Variants in RBKS observed in about 807,000 individuals in gnomAD.
RBKS encodes ribokinase.
A neutral mutation model predicts 33.9 loss-of-function variants in RBKS; 33 were observed. The observed-to-expected ratio is 0.97, with a 90% CI of 0.74 to 1.30. The LOEUF (loss-of-function observed/expected upper bound fraction) is 1.30. Among genes scored for constraint, RBKS ranks in the 50% most tolerant of loss-of-function variants. The probability of loss-of-function intolerance (pLI) is 0.00; values close to 1 mark genes in which losing one functional copy is unlikely to be tolerated. For synonymous variants in RBKS, 125 were observed against 143.0 expected, an observed-to-expected ratio of 0.87 and a Z score of 0.90; for missense variants, 361 against 392.6, an observed-to-expected ratio of 0.92 and a Z score of 0.68.
At chr2:27,861,663 T>TGGGGGGG (rs56729802) in intron 1 of RBKS, 10 of 313,230 alleles carry the variant, frequency 3.2e-5, no homozygotes, top group East Asian at 1.7e-4. Flanking sequence ...CATTTCTTTT[T>TGGGGGGG]GGGGGGGGGG....
At chr2:27,836,302 C>A (rs1162238189) in intron 5 of RBKS, among the ~76,000 whole-genome samples, 1 of 152,098 alleles carries the variant, frequency 6.6e-6, no homozygotes, top group East Asian at 1.9e-4. Context: ...TTTGCTTCAA[C>A]ATAATTCAAG....
chr2:27,843,169 C>T lies in RBKS; in HGVS notation c.412G>A (p.Ala138Thr). The change falls in exon 5 of 8, where the codon GCA becomes ACA. Residue 138 changes from alanine (A) to threonine (T), a missense_variant. Physicochemically the swap from Ala to Thr is moderately conservative, Grantham distance 58. Transcript: ENST00000302188. ...NLLLNTEDLR[A>T]AANVISRAKV... ...GCTCTGCTAATGACATTGGCTGCTGCCCTCAGATCCTCCGTATTCAAAAGT... is the reference window on the plus strand; with the variant it reads ...GCTCTGCTAATGACATTGGCTGCTGTCCTCAGATCCTCCGTATTCAAAAGT... 6.2e-7 allele frequency: 1 copy of T among 1,612,800 alleles called. No individual in the cohort carries two copies. Among genetic ancestry groups the T allele is most frequent in the African/African-American group, 1.3e-5 (1 of 74,986 alleles).
chr2:27,834,624 G>A (rs1678480442), intron 5 of RBKS, among the ~76,000 whole-genome samples: 1 of 152,106 alleles, frequency 6.6e-6, no homozygotes, highest in Non-Finnish European at 1.5e-5. Flanking sequence ...GGCTCTCATT[G>A]TCCAGTATTC....
chr2:27,795,986 C>T lies in RBKS; in HGVS notation c.796-14198G>A, dbSNP rs901643848. Among the ~76,000 whole-genome samples, 1 of 152,138 alleles carries T rather than the reference C, an allele frequency of 6.6e-6. No homozygotes were observed. The highest frequency in any genetic ancestry group is 1.5e-5 in the Non-Finnish European group (1 of 68,026). On this transcript the variant is annotated intron_variant, in intron 7 of 7. Transcript: ENST00000302188. This position sits in a 1 kb window ranked among gnomAD's most constrained non-coding sequence, Gnocchi z 4.1. ...CTTTGAGTTGACCTGACTTATTGGT[C>T]CTGGTTCTATCATGTTCTTCTCTTC...
chr2:27,806,351 A>C (rs1047058590), intron 7 of RBKS, among the ~76,000 whole-genome samples: 1 of 152,192 alleles, frequency 6.6e-6, no homozygotes, highest in African/African-American at 2.4e-5. Context: ...GGAAATGATA[A>C]ATATAAGCCT....
Position 27,837,010 on chromosome 2 carries a change from C to T in RBKS, c.515-4233G>A, listed in dbSNP as rs1221069152. 6.6e-6 allele frequency among the ~76,000 whole-genome samples: 1 copy of T among 151,072 alleles called. No individual in the cohort carries two copies. The highest frequency in any genetic ancestry group is 2.5e-5 in the African/African-American group (1 of 40,402). On this transcript the variant is annotated intron_variant, in intron 5 of 7. Transcript: ENST00000302188. This position sits in a 1 kb window ranked among gnomAD's most constrained non-coding sequence, Gnocchi z 4.0. ...GTCAAGGGCCAGCCGAGGTGGCTCA[C>T]ACCTGTAATCCCAGCACTTTGGGCG...
chr2:27,800,049 CTTTTTTT>C (rs35932747), intron 7 of RBKS, among the ~76,000 whole-genome samples: 2 of 112,368 alleles, frequency 1.8e-5, no homozygotes, highest in Non-Finnish European at 3.6e-5. Flanking sequence ...TGTTAGGTGT[CTTTTTTT>C]TTTTTTTTTT....
chr2:27,801,984 ATATATATATTTTTTTTT>A (rs1558536512), intron 7 of RBKS, among the ~76,000 whole-genome samples: 33 of 95,042 alleles, frequency 3.5e-4, no homozygotes, highest in African/African-American at 1.4e-3. Flanking sequence ...ATATATATAT[ATATATATATTTTTTTTT>A]TTTTTTTTTT....
intron 7 of RBKS, among the ~76,000 whole-genome samples, chr2:27,825,607 T>C (rs957663296): frequency 6.6e-6 from 1 of 152,152 alleles, no homozygotes; most frequent in African/African-American, 2.4e-5. Flanking sequence ...GACAGGGACA[T>C]GACATGAGAC....
chr2:27,869,638 T>C (rs1338053201), intron 1 of RBKS: 2 of 153,032 alleles, frequency 1.3e-5, no homozygotes, highest in Non-Finnish European at 2.9e-5. Context: ...TGCACTTTAT[T>C]TCTATTATTA....
intron 2 of RBKS, among the ~76,000 whole-genome samples, chr2:27,852,456 C>T (rs989706596): frequency 7.2e-5 from 11 of 152,144 alleles, no homozygotes; most frequent in Admixed American, 4.6e-4. Flanking sequence ...TCACTCTTAT[C>T]ACTGGGAGGG....
At chr2:27,838,258 A>C (rs533913928) in intron 5 of RBKS, among the ~76,000 whole-genome samples, 165 of 152,262 alleles carry the variant, frequency 1.1e-3, no homozygotes, top group African/African-American at 3.8e-3. Flanking sequence ...GTCTAAAATA[A>C]AAGATGGAAT....
At chr2:27,851,805 C>G (rs1663751489) in intron 2 of RBKS, among the ~76,000 whole-genome samples, 1 of 152,170 alleles carries the variant, frequency 6.6e-6, no homozygotes, top group African/African-American at 2.4e-5. Flanking sequence ...TCCCAAAGTG[C>G]TGGGATTACA....
chr2:27,855,405 G>A (rs1428367226), intron 2 of RBKS, among the ~76,000 whole-genome samples: 8 of 152,160 alleles, frequency 5.3e-5, no homozygotes, highest in Admixed American at 1.3e-4. Flanking sequence ...TGCTCATACT[G>A]GGCCAGTGCA....
intron 7 of RBKS, among the ~76,000 whole-genome samples, chr2:27,802,113 T>C (rs967774028): frequency 2.7e-5 from 4 of 148,014 alleles, no homozygotes; most frequent in Non-Finnish European, 3.0e-5. Context: ...GTTGGGATTA[T>C]AGGTGTGAGC....
At chr2:27,800,049 CTTTTT>C (rs35932747) in intron 7 of RBKS, among the ~76,000 whole-genome samples, 1 of 112,368 alleles carries the variant, frequency 8.9e-6, no homozygotes. Context: ...TGTTAGGTGT[CTTTTT>C]TTTTTTTTTT....
chr2:27,832,623 T>G, intron 6 of RBKS, 63 bp downstream of exon 6: 3 of 1,031,056 alleles, frequency 2.9e-6, no homozygotes, highest in Non-Finnish European at 4.6e-6. Flanking sequence ...TCTGCCCCTT[T>G]GCTTTATCCA....
intron 7 of RBKS, among the ~76,000 whole-genome samples, chr2:27,819,745 A>C (rs987829917): frequency 3.9e-5 from 6 of 152,234 alleles, no homozygotes; most frequent in Non-Finnish European, 8.8e-5. Context: ...CGTGAGGAAA[A>C]TTTGTCTGAA....
chr2:27,860,663 C>A (rs1346131189), intron 1 of RBKS, among the ~76,000 whole-genome samples: 1 of 152,120 alleles, frequency 6.6e-6, no homozygotes, highest in Non-Finnish European at 1.5e-5. Flanking sequence ...GAGCAGATGG[C>A]TGGGATTTAA....
Sources: gnomAD v4.1 joint callset for allele counts (sites outside exome capture counted in the v4.1 genomes callset) on GRCh38, gnomAD v4.1.1 for gene constraint, Gnocchi (gnomAD v3.1) non-coding constraint, MANE v1.5 for transcripts, NCBI Gene and HGNC (gene_info 2026-07-23, HGNC 2026-07-21) for gene names.